ACVR2B: variants seen among roughly 807,000 people sequenced by gnomAD.
The protein encoded by ACVR2B is activin receptor type-2B.
Under a neutral mutation model 65.1 loss-of-function variants are expected in ACVR2B, and 18 were observed. The observed-to-expected ratio is 0.28, with a 90% CI of 0.19 to 0.41. ACVR2B has a LOEUF of 0.41. Among genes scored for constraint, ACVR2B ranks in the 10% least tolerant of loss-of-function variants. The pLI, the probability that ACVR2B is intolerant of heterozygous loss-of-function variation, is 1.00. For missense variants in ACVR2B, 482 were observed against 682.7 expected, an observed-to-expected ratio of 0.71 and a Z score of 3.28; for synonymous variants, 298 against 277.7, an observed-to-expected ratio of 1.07 and a Z score of -0.73.
In ACVR2B at chr3:38,479,812, G is replaced by A. The variant is rs759831972; in HGVS notation, c.945G>A (p.Pro315=). The change falls in exon 7 of 11, where the codon CCG becomes CCA. Residue 315 remains proline (P), a synonymous_variant. Coordinates refer to ENST00000352511, the MANE Select transcript of ACVR2B (RefSeq NM_001106.4). ...GGTGCCGTGGCGAGGGCCACAAGCCGTCTATTGCCCACAGGTACCTGGGTC... is the reference window on the plus strand; with the variant it reads ...GGTGCCGTGGCGAGGGCCACAAGCCATCTATTGCCCACAGGTACCTGGGTC... ...VPWCRGEGHK[P]SIAHRDFKSK... is the part of the protein sequence containing the mutation. 9.9e-6 allele frequency: 16 copies of A among 1,614,160 alleles called. No individual in the cohort carries two copies. Among genetic ancestry groups the A allele is most frequent in the Admixed American group, 1.7e-5 (1 of 60,028 alleles).
Position 38,482,210 on chromosome 3 carries a change from C to A in ACVR2B, c.1087C>A (p.Arg363=). The A allele has an allele frequency of 6.2e-6, 10 of 1,613,710 alleles. No homozygotes were observed. The highest frequency in any genetic ancestry group is 8.5e-6 in the Non-Finnish European group (10 of 1,179,964). The change falls in exon 9 of 11, where the codon CGG becomes AGG. Residue 363 remains arginine (R), a synonymous_variant. Transcript: ENST00000352511. ...GDTHGQVGTR[R]YMAPEVLEGA... ...TGTCCTCACATAGGTAGGCACGAGA[C>A]GGTACATGGCTCCTGAGGTGCTCGA...
chr3:38,483,382 GAAA>G lies in ACVR2B; in HGVS notation c.*55_*57del, dbSNP rs760951816. The G allele has an allele frequency of 1.1e-5, 18 of 1,600,058 alleles. No homozygotes were observed. The highest frequency in any genetic ancestry group is 1.5e-5 in the Non-Finnish European group (18 of 1,169,282). On this transcript the variant is annotated 3_prime_UTR_variant, in exon 11 of 11. Coordinates refer to ENST00000352511, the MANE Select transcript of ACVR2B (RefSeq NM_001106.4). The surrounding 1 kb of genome is among the most constrained non-coding windows in gnomAD (Gnocchi z 4.8). ...GACTCAGTGGATCTGAAGAAAAAAG[GAAA>G]AAAAGTTGTGTTTTGTTTTGGAAAT...
intron 1 of ACVR2B, among the ~76,000 whole-genome samples, chr3:38,470,229 G>C (rs1359227628): frequency 6.6e-6 from 1 of 152,128 alleles, no homozygotes; most frequent in East Asian, 1.9e-4. Flanking sequence ...CAAATCATTA[G>C]ACTAAAGGCA....
chr3:38,477,769 T>C lies in ACVR2B; in HGVS notation c.261-92T>C. 7.6e-7 allele frequency: 1 copy of C among 1,314,966 alleles called. No homozygotes were observed. Among genetic ancestry groups the C allele is most frequent in the Non-Finnish European group, 1.1e-6 (1 of 907,170 alleles). The allele number at this position is 1,314,966 out of a possible 1,614,324, so 81.5% of individuals were successfully genotyped here. ...CGTCCCCCTGGTGTTGCCCATGAGGTGCTCTGTCTGTGAGGAGGGGTTGGC... is the reference window on the plus strand; with the variant it reads ...CGTCCCCCTGGTGTTGCCCATGAGGCGCTCTGTCTGTGAGGAGGGGTTGGC... On this transcript the variant is annotated intron_variant, in intron 2 of 10. Coordinates refer to ENST00000352511, the MANE Select transcript of ACVR2B (RefSeq NM_001106.4). The surrounding 1 kb of genome is among the most constrained non-coding windows in gnomAD (Gnocchi z 6.7).
intron 1 of ACVR2B, among the ~76,000 whole-genome samples, chr3:38,458,551 C>T (rs533821853): frequency 6.6e-6 from 1 of 152,270 alleles, no homozygotes; most frequent in East Asian, 1.9e-4. Context: ...TTTTGTGATC[C>T]TGCCGGATGT....
chr3:38,462,194 A>T (rs1419663943), intron 1 of ACVR2B, among the ~76,000 whole-genome samples: 2 of 151,878 alleles, frequency 1.3e-5, no homozygotes, highest in Non-Finnish European at 2.9e-5. Flanking sequence ...ACTCCATCTC[A>T]AAATAAATAA....
In ACVR2B at chr3:38,490,311, G is replaced by A. The variant is rs576678686; in HGVS notation, c.*6979G>A. ...GCTTCTAGACAGAGGTGCACTGGAC[G>A]GGATAGTTTTATCAAGAGAATCCCT... On this transcript the variant is annotated 3_prime_UTR_variant, in exon 11 of 11. Transcript: ENST00000352511. 1.0e-4 allele frequency: 16 copies of A among 152,558 alleles called. No individual in the cohort carries two copies. The highest frequency in any genetic ancestry group is 3.8e-4 in the African/African-American group (16 of 41,574). 9.5% of individuals were successfully genotyped at this position (152,558 alleles called of 1,614,324 possible). A position where few individuals can be genotyped will look rare whatever the true frequency, so the allele number is the denominator to read the frequency against.
At chr3:38,469,756 A>G (rs1381829498) in intron 1 of ACVR2B, among the ~76,000 whole-genome samples, 1 of 152,248 alleles carries the variant, frequency 6.6e-6, no homozygotes, top group African/African-American at 2.4e-5. Flanking sequence ...ACATAAGCTC[A>G]GTATTCAAAA....
chr3:38,466,436 A>G lies in ACVR2B; in HGVS notation c.53-10851A>G, dbSNP rs1487735160. Among the ~76,000 whole-genome samples, 23 of 152,130 alleles carry G rather than the reference A, an allele frequency of 1.5e-4. 1 individual carries two copies. The highest frequency in any genetic ancestry group is 1.9e-4 in the East Asian group (1 of 5,200). ...CTGATTTGATCATTACGCAGTGTATATATGTATCAAAACGTATTCTACCCC... is the reference window on the plus strand; with the variant it reads ...CTGATTTGATCATTACGCAGTGTATGTATGTATCAAAACGTATTCTACCCC... On this transcript the variant is annotated intron_variant, in intron 1 of 10. Transcript: ENST00000352511.
chr3:38,487,737 G>T lies in ACVR2B; in HGVS notation c.*4405G>T, dbSNP rs1429291751. 1.3e-5 allele frequency: 2 copies of T among 152,204 alleles called. No individual in the cohort carries two copies. The highest frequency in any genetic ancestry group is 4.8e-5 in the African/African-American group (2 of 41,446). 9.4% of individuals were successfully genotyped at this position (152,204 alleles called of 1,614,324 possible). The stretch of plus-strand genomic sequence containing the variant: ...GCATCTATTGGTAACACAAAGATTT[G>T]CTGGTTTTTAAAATAATACAGTAAG... On this transcript the variant is annotated 3_prime_UTR_variant, in exon 11 of 11. Transcript: ENST00000352511.
At chr3:38,479,031 TG>T in intron 5 of ACVR2B, 96 bp from the exon 6 acceptor site, 1 of 1,526,642 alleles carries the variant, frequency 6.6e-7, no homozygotes, top group Admixed American at 1.7e-5. Context: ...GGCTTGAGGG[TG>T]GGGAATGGGG....
At chr3:38,454,421 T>C (rs1709505780) in intron 1 of ACVR2B, 47 bp downstream of exon 1, 2 of 1,229,284 alleles carry the variant, frequency 1.6e-6, no homozygotes, top group Non-Finnish European at 2.0e-6. Context: ...CGCGCGGGGC[T>C]GGCCTCTGGC....
At chr3:38,479,890 G>A (rs1354090484) in intron 7 of ACVR2B, 64 bp downstream of exon 7, 9 of 1,579,886 alleles carry the variant, frequency 5.7e-6, no homozygotes, top group Non-Finnish European at 7.8e-6. Flanking sequence ...GTTGGTGGGC[G>A]AGAGCAGTGT....
At chr3:38,472,996 C>G (rs1274756332) in intron 1 of ACVR2B, among the ~76,000 whole-genome samples, 1 of 152,124 alleles carries the variant, frequency 6.6e-6, no homozygotes, top group East Asian at 1.9e-4. Flanking sequence ...AATGTTGGTT[C>G]AGAGTGCAGT....
intron 1 of ACVR2B, among the ~76,000 whole-genome samples, chr3:38,456,744 CTG>C (rs1317166709): frequency 2.6e-5 from 4 of 152,142 alleles, no homozygotes; most frequent in Non-Finnish European, 4.4e-5. Flanking sequence ...TTTTGTAAGA[CTG>C]TGAATCCTGT....
rs1363840488 is a variant in ACVR2B, at chr3:38,478,174, T to C, written c.404T>C (p.Leu135Pro). ...TYEPPPTAPT[L>P]LTVLAYSLLP... Reference sequence around the variant, plus strand: ...GAGCCACCCCCGACAGCCCCCACCCTGCTCACGGTGCTGGCCTACTCACTG... The same window carrying C: ...GAGCCACCCCCGACAGCCCCCACCCCGCTCACGGTGCTGGCCTACTCACTG... Residue 135 changes from leucine to proline, a missense_variant, in exon 4 of 11, where the codon CTG becomes CCG. Transcript: ENST00000352511. The C allele has an allele frequency of 6.2e-7, 1 of 1,613,178 alleles. No homozygotes were observed. The highest frequency in any genetic ancestry group is 2.2e-5 in the East Asian group (1 of 44,878).
At chr3:38,478,592 G>A (rs1709957531) in intron 5 of ACVR2B, 74 bp downstream of exon 5, 1 of 1,603,198 alleles carries the variant, frequency 6.2e-7, no homozygotes, top group Admixed American at 1.7e-5. Flanking sequence ...CCTGACCTGG[G>A]GCAATCCAAA....
At chr3:38,463,171 C>G (rs1036833632) in intron 1 of ACVR2B, among the ~76,000 whole-genome samples, 3 of 152,150 alleles carry the variant, frequency 2.0e-5, no homozygotes, top group African/African-American at 7.2e-5. Flanking sequence ...ACTGGACTAG[C>G]CAGGATGTGC....
At chr3:38,466,592 C>T (rs777063006) in intron 1 of ACVR2B, among the ~76,000 whole-genome samples, 20 of 151,890 alleles carry the variant, frequency 1.3e-4, no homozygotes, top group Non-Finnish European at 2.2e-4. Flanking sequence ...CAACCTCCGC[C>T]TCCCGGGTTC....
Sources: allele counts gnomAD v4.1 joint callset (sites outside exome capture counted in the v4.1 genomes callset), GRCh38; gene constraint gnomAD v4.1.1; non-coding constraint Gnocchi (gnomAD v3.1); transcripts MANE v1.5; gene names NCBI Gene and HGNC (gene_info 2026-07-23, HGNC 2026-07-21).